PAPPA2: variants seen among roughly 807,000 people sequenced by gnomAD.
PAPPA2 encodes pappalysin-2.
Under a neutral mutation model 176.4 loss-of-function variants are expected in PAPPA2, and 86 were observed. That is an observed-to-expected ratio of 0.49 (90% CI 0.41 to 0.58). The LOEUF is 0.58. Ranked by LOEUF, PAPPA2 falls within the 20% of genes least tolerant of loss-of-function variation. The pLI, the probability that PAPPA2 is intolerant of heterozygous loss-of-function variation, is 0.00. For synonymous variants in PAPPA2, 809 were observed against 852.2 expected, an observed-to-expected ratio of 0.95 and a Z score of 0.88; for missense variants, 2,073 against 2,256.9, an observed-to-expected ratio of 0.92 and a Z score of 1.65.
intron 2 of PAPPA2, among the ~76,000 whole-genome samples, chr1:176,581,853 TA>T (rs377442667): frequency 1.3e-5 from 2 of 151,268 alleles, no homozygotes; most frequent in Non-Finnish European, 2.9e-5. Flanking sequence ...AGTTTTTTTT[TA>T]AATTTTTGTT....
rs1653880440 is a variant in PAPPA2 at position 176,594,955 on chromosome 1, G to A, written c.1351G>A (p.Ala451Thr). The A allele has an allele frequency of 4.3e-6, 7 of 1,614,116 alleles. No homozygotes were observed. In the Admixed American group the frequency reaches 8.3e-5, roughly 19 times the overall value. The change falls in exon 3 of 23, where the codon GCG becomes ACG. Residue 451 changes from alanine (A) to threonine (T), a missense_variant. Around this residue, in one of 4 missense-constraint regions of PAPPA2, gnomAD observed 1,196 missense variants for 1,330.4 expected, o/e 0.90. Transcript: ENST00000367662. ...TCAGCATTCAAGTGGGGAGGAGGAA[G>A]CGACTGACTTGGTCCTGACAGCGAG... Reference protein sequence around the residue: ...SSQHSSGEEEATDLVLTASFE... With the variant: ...SSQHSSGEEETTDLVLTASFE...
intron 10 of PAPPA2, among the ~76,000 whole-genome samples, chr1:176,707,448 T>C (rs904866382): frequency 2.0e-5 from 3 of 152,102 alleles, no homozygotes; most frequent in Non-Finnish European, 4.4e-5. Flanking sequence ...GTACCATGAG[T>C]CTGACAGAGT....
chr1:176,683,401 G>A (rs918593381), intron 4 of PAPPA2, among the ~76,000 whole-genome samples: 1 of 152,080 alleles, frequency 6.6e-6, no homozygotes, highest in Non-Finnish European at 1.5e-5. Context: ...CATTCATATC[G>A]TTTTCCATGT....
chr1:176,669,687 C>CT (rs1056259696), intron 3 of PAPPA2, among the ~76,000 whole-genome samples: 5 of 152,126 alleles, frequency 3.3e-5, no homozygotes, highest in African/African-American at 9.7e-5. Context: ...AAAGCAAGAT[C>CT]TTTTTTTGTC....
At chr1:176,814,609 G>T (rs1338852675) in intron 21 of PAPPA2, among the ~76,000 whole-genome samples, 1 of 152,168 alleles carries the variant, frequency 6.6e-6, no homozygotes, top group Non-Finnish European at 1.5e-5. Flanking sequence ...GTACAGGAAT[G>T]CTAATGATTT....
Position 176,734,784 on chromosome 1 carries a change from T to C in PAPPA2, c.3799-4842T>C, listed in dbSNP as rs1366274385. 3.3e-5 allele frequency among the ~76,000 whole-genome samples: 5 copies of C among 152,136 alleles called. No homozygotes were observed. In the East Asian group the frequency reaches 9.6e-4, roughly 29 times the overall value. On this transcript the variant is annotated intron_variant, in intron 12 of 22. Coordinates refer to ENST00000367662, the MANE Select transcript of PAPPA2 (RefSeq NM_020318.3). Reference sequence around the variant, plus strand: ...TAATTCTTCACCTATAAAAAAGTAATGTGGTTCAATCAATAGTGCAAGCAT... The same window carrying C: ...TAATTCTTCACCTATAAAAAAGTAACGTGGTTCAATCAATAGTGCAAGCAT...
intron 14 of PAPPA2, among the ~76,000 whole-genome samples, chr1:176,761,084 G>T (rs1663678378): frequency 6.6e-6 from 1 of 152,088 alleles, no homozygotes; most frequent in Non-Finnish European, 1.5e-5. Context: ...GCCTCCCAAA[G>T]TGCTGGTATT....
chr1:176,692,511 G>A (rs886360650), intron 6 of PAPPA2, among the ~76,000 whole-genome samples, 193 bp downstream of exon 6: 7 of 152,240 alleles, frequency 4.6e-5, no homozygotes, highest in African/African-American at 1.4e-4. Flanking sequence ...TTGTGAGCCA[G>A]TGGCTCATCT....
chr1:176,800,019 G>T, intron 20 of PAPPA2, 42 bp from the exon 21 acceptor site: 1 of 1,604,978 alleles, frequency 6.2e-7, no homozygotes, highest in African/African-American at 1.3e-5. Context: ...CACAACAAAT[G>T]TCTTTAATTT....
chr1:176,819,291 TA>T (rs1305735601), intron 21 of PAPPA2, among the ~76,000 whole-genome samples: 2 of 152,184 alleles, frequency 1.3e-5, no homozygotes, highest in Non-Finnish European at 2.9e-5. Context: ...ATGAGTCCTT[TA>T]AAAGTCTTTT....
At chr1:176,739,487 T>A in intron 12 of PAPPA2, 139 bp from the exon 13 acceptor site, 1 of 844,200 alleles carries the variant, frequency 1.2e-6, no homozygotes, top group Non-Finnish European at 1.8e-6. Context: ...GTCTACTCCA[T>A]ATTTTTAGCA....
intron 3 of PAPPA2, among the ~76,000 whole-genome samples, chr1:176,627,996 G>A (rs1418033783): frequency 6.6e-6 from 1 of 152,196 alleles, no homozygotes; most frequent in Non-Finnish European, 1.5e-5. Flanking sequence ...CATTAGGCGA[G>A]CAGGAGAATG....
At chr1:176,481,152 T>C (rs1652374830) in intron 1 of PAPPA2, among the ~76,000 whole-genome samples, 1 of 152,062 alleles carries the variant, frequency 6.6e-6, no homozygotes, top group Non-Finnish European at 1.5e-5. Context: ...TAAGACTGGC[T>C]CCAAGAATAT....
intron 2 of PAPPA2, among the ~76,000 whole-genome samples, chr1:176,566,029 T>G (rs1172776336): frequency 6.6e-6 from 1 of 152,092 alleles, no homozygotes; most frequent in Non-Finnish European, 1.5e-5. Flanking sequence ...AACACTCAGG[T>G]GCTTAGAAGT....
chr1:176,648,683 GA>G (rs981967112), intron 3 of PAPPA2, among the ~76,000 whole-genome samples: 5 of 151,538 alleles, frequency 3.3e-5, no homozygotes, highest in African/African-American at 1.2e-4. Flanking sequence ...ATCTTCTGTT[GA>G]AATAATCATA....
chr1:176,777,383 C>T (rs1394647211), intron 17 of PAPPA2, among the ~76,000 whole-genome samples: 1 of 152,100 alleles, frequency 6.6e-6, no homozygotes, highest in Non-Finnish European at 1.5e-5. Flanking sequence ...GGTTTTGGTC[C>T]ATTGTTTTCC....
intron 11 of PAPPA2, among the ~76,000 whole-genome samples, 193 bp from the exon 12 acceptor site, chr1:176,711,642 T>C (rs1283833073): frequency 6.6e-6 from 1 of 152,168 alleles, no homozygotes; most frequent in East Asian, 1.9e-4. Flanking sequence ...TTTTCTACCC[T>C]TGTAAGTTAT....
At chr1:176,584,924 G>A (rs751677964) in intron 2 of PAPPA2, among the ~76,000 whole-genome samples, 4 of 152,102 alleles carry the variant, frequency 2.6e-5, no homozygotes, top group Non-Finnish European at 5.9e-5. Flanking sequence ...TATTTTAGTA[G>A]AGATGGGTTT....
Position 176,690,535 on chromosome 1 carries a change from A to G in PAPPA2, c.2431+105A>G, listed in dbSNP as rs767402867. ...CTGATGGGAGAATGATTAAGTGGTC[A>G]TTTGTGTCGGAGAGTTGAAGTGTAT... On this transcript the variant is annotated intron_variant, in intron 5 of 22. Coordinates refer to ENST00000367662, the MANE Select transcript of PAPPA2 (RefSeq NM_020318.3). The G allele has an allele frequency of 1.6e-5, 25 of 1,524,682 alleles. No homozygotes were observed. In the South Asian group the frequency reaches 2.2e-4, roughly 14 times the overall value. The allele number at this position is 1,524,682 out of a possible 1,614,324, so 94.4% of individuals were successfully genotyped here.
Sources: gnomAD v4.1 joint callset for allele counts (sites outside exome capture counted in the v4.1 genomes callset) on GRCh38, gnomAD v4.1.1 for gene constraint, gnomAD v4.1.1 regional missense constraint, MANE v1.5 for transcripts, NCBI Gene and HGNC (gene_info 2026-07-23, HGNC 2026-07-21) for gene names.